The following PRKG1 variants were observed in gnomAD, a reference collection of about 807,000 sequenced individuals.
PRKG1 encodes cGMP-dependent protein kinase 1.
A neutral mutation model predicts 88.1 loss-of-function variants in PRKG1; 35 were observed. The ratio of observed to expected loss-of-function variants is 0.40; its 90% confidence interval spans 0.30 to 0.53. The LOEUF (loss-of-function observed/expected upper bound fraction) is 0.53, where lower values mean the gene tolerates loss of function less well. PRKG1 is among the 20% of genes least tolerant of loss of function. PRKG1 has a pLI of 0.59. For missense variants in PRKG1, 540 were observed against 839.8 expected, an observed-to-expected ratio of 0.64 and a Z score of 4.41; for synonymous variants, 303 against 292.5, an observed-to-expected ratio of 1.04 and a Z score of -0.37.
chr10:51,134,325 G>A (rs538344409), intron 1 of PRKG1, among the ~76,000 whole-genome samples: 1 of 152,262 alleles, frequency 6.6e-6, no homozygotes, highest in South Asian at 2.1e-4. Flanking sequence ...TCTCACTGTG[G>A]TTGTAGCATC....
At chr10:52,011,959 C>T (rs1844894653) in intron 5 of PRKG1, among the ~76,000 whole-genome samples, 1 of 152,122 alleles carries the variant, frequency 6.6e-6, no homozygotes, top group Admixed American at 6.6e-5. Flanking sequence ...TTGACTTGCT[C>T]CTCCTTGCCT....
intron 11 of PRKG1, among the ~76,000 whole-genome samples, chr10:52,272,117 C>A (rs531848961): frequency 6.6e-6 from 1 of 152,036 alleles, no homozygotes; most frequent in Non-Finnish European, 1.5e-5. Context: ...AAACATTACC[C>A]AAATTGGAAT....
chr10:52,166,880 T>TACACAC lies in PRKG1; in HGVS notation c.1076+4949_1076+4954dup, dbSNP rs143459696. ...ATATATATCTGTATATGTGTATGTA[T>TACACAC]ACACACACACACACACACACACACA... On this transcript the variant is annotated intron_variant, in intron 9 of 17. Coordinates refer to ENST00000373980, the MANE Select transcript of PRKG1 (RefSeq NM_006258.4). 4.8e-3 allele frequency among the ~76,000 whole-genome samples: 591 copies of TACACAC among 121,928 alleles called. 2 individuals carry two copies. The highest frequency in any genetic ancestry group is 0.012 in the African/African-American group (397 of 32,084). The allele number at this position is 121,928 out of a possible 152,430, so 80.0% of individuals were successfully genotyped here.
chr10:51,866,078 C>G (rs1841007516), intron 4 of PRKG1, among the ~76,000 whole-genome samples: 1 of 151,834 alleles, frequency 6.6e-6, no homozygotes, highest in Admixed American at 6.6e-5. Context: ...AGAGAACCTA[C>G]AGGATTTAAG....
chr10:52,054,616 G>A (rs1192828899), intron 6 of PRKG1, 55 bp downstream of exon 6: 1 of 1,441,812 alleles, frequency 6.9e-7, no homozygotes, highest in East Asian at 2.3e-5. Context: ...GGGTTGGTTA[G>A]TAACTCCAGT....
At chr10:51,792,396 A>G (rs1753030743) in intron 3 of PRKG1, among the ~76,000 whole-genome samples, 1 of 152,046 alleles carries the variant, frequency 6.6e-6, no homozygotes, top group Non-Finnish European at 1.5e-5. Flanking sequence ...TAGATGACGT[A>G]AGTTTTATTT....
intron 1 of PRKG1, chr10:51,062,620 T>G (rs913571386): frequency 6.7e-6 from 1 of 150,262 alleles, no homozygotes; most frequent in Non-Finnish European, 1.5e-5. Flanking sequence ...AAACAGTATC[T>G]TTTTTTTTTC....
At chr10:52,096,590 C>T (rs1847178645) in intron 7 of PRKG1, among the ~76,000 whole-genome samples, 2 of 152,166 alleles carry the variant, frequency 1.3e-5, no homozygotes, top group Non-Finnish European at 2.9e-5. Flanking sequence ...CTAGCTTCTT[C>T]CTTTAAGTAG....
intron 9 of PRKG1, among the ~76,000 whole-genome samples, chr10:52,229,147 T>C (rs1346301648): frequency 6.6e-6 from 1 of 152,196 alleles, no homozygotes; most frequent in Non-Finnish European, 1.5e-5. Context: ...CTCTTTTCTA[T>C]TTATTTTATT....
At chr10:51,213,906 T>G (rs1838302242) in intron 2 of PRKG1, among the ~76,000 whole-genome samples, 3 of 152,168 alleles carry the variant, frequency 2.0e-5, no homozygotes, top group Non-Finnish European at 4.4e-5. Context: ...ATCTTGAAGA[T>G]TTATCCATAA....
intron 5 of PRKG1, among the ~76,000 whole-genome samples, chr10:52,035,332 C>A (rs924837574): frequency 6.6e-6 from 1 of 151,890 alleles, no homozygotes; most frequent in Non-Finnish European, 1.5e-5. Flanking sequence ...AGGAAGGGGG[C>A]CTGAATAATC....
intron 2 of PRKG1, among the ~76,000 whole-genome samples, chr10:51,215,592 G>A (rs564925540): frequency 1.0e-3 from 155 of 152,274 alleles, no homozygotes; most frequent in Non-Finnish European, 1.9e-3. Flanking sequence ...AAGAATGCTG[G>A]CATTTGTTTA....
At chr10:51,025,480 C>T (rs949177111) in intron 1 of PRKG1, among the ~76,000 whole-genome samples, 1 of 152,060 alleles carries the variant, frequency 6.6e-6, no homozygotes, top group Non-Finnish European at 1.5e-5. Context: ...GTTGAGATTC[C>T]CCTGGGGGCT....
chr10:51,111,464 T>A (rs557832180), intron 1 of PRKG1, among the ~76,000 whole-genome samples: 1 of 152,168 alleles, frequency 6.6e-6, no homozygotes, highest in African/African-American at 2.4e-5. Context: ...TTGGAGCTAT[T>A]TGTAGGATGC....
intron 3 of PRKG1, among the ~76,000 whole-genome samples, chr10:51,719,387 G>T (rs1238147087): frequency 6.6e-6 from 1 of 152,154 alleles, no homozygotes; most frequent in Non-Finnish European, 1.5e-5. Flanking sequence ...TGATAAGAGG[G>T]ATATTTTACT....
chr10:51,680,116 T>C lies in PRKG1; in HGVS notation c.593-124469T>C, dbSNP rs576038599. 6.2e-4 allele frequency among the ~76,000 whole-genome samples: 94 copies of C among 152,200 alleles called. 3 individuals carry two copies. In the South Asian group the frequency reaches 0.019, roughly 31 times the overall value. Reference sequence around the variant, plus strand: ...TCATCTGCATATGGTGTCAATCTGCTCTAGTATTGGGTTAGCCGCAGGCCA... The same window carrying C: ...TCATCTGCATATGGTGTCAATCTGCCCTAGTATTGGGTTAGCCGCAGGCCA... On this transcript the variant is annotated intron_variant, in intron 3 of 17. Transcript: ENST00000373980.
In PRKG1 at chr10:52,188,215, T is replaced by C. The variant is rs12269494; in HGVS notation, c.1076+26252T>C. Among the ~76,000 whole-genome samples the C allele has an allele frequency of 1.2e-3, 65 of 52,252 alleles. 2 individuals carry two copies. Among genetic ancestry groups the C allele is most frequent in the Middle Eastern group, 0.011 (1 of 92 alleles). The allele number at this position is 52,252 out of a possible 152,430, so 34.3% of individuals were successfully genotyped here. A position where few individuals can be genotyped will look rare whatever the true frequency, so the allele number is the denominator to read the frequency against. Reference sequence around the variant, plus strand: ...ATGTGTGTGTGTATATATATATGTGTATATATATACATATGTATATATATA... The same window carrying C: ...ATGTGTGTGTGTATATATATATGTGCATATATATACATATGTATATATATA... On this transcript the variant is annotated intron_variant, in intron 9 of 17. Transcript: ENST00000373980.
intron 5 of PRKG1, among the ~76,000 whole-genome samples, chr10:52,033,764 C>T (rs1049558493): frequency 1.3e-5 from 2 of 152,090 alleles, no homozygotes; most frequent in Admixed American, 6.6e-5. Context: ...ATTTCATGCA[C>T]GTCCGTGTGA....
At chr10:51,147,728 G>A (rs1385073734) in intron 1 of PRKG1, among the ~76,000 whole-genome samples, 4 of 152,116 alleles carry the variant, frequency 2.6e-5, no homozygotes, top group African/African-American at 7.2e-5. Flanking sequence ...TGATTCCTTT[G>A]TTTTGTATCA....
Sources: allele counts gnomAD v4.1 joint callset (sites outside exome capture counted in the v4.1 genomes callset), GRCh38; gene constraint gnomAD v4.1.1; transcripts MANE v1.5; gene names NCBI Gene and HGNC (gene_info 2026-07-23, HGNC 2026-07-21).